Variants in ZNF570 observed in about 807,000 individuals in gnomAD.
The protein encoded by ZNF570 is zinc finger protein 570.
ZNF570 carries 8 observed loss-of-function variants against 14.2 expected under a neutral mutation model. The observed-to-expected ratio is 0.56, with a 90% CI of 0.33 to 1.02. ZNF570 has a LOEUF of 1.02. Ranked by LOEUF, ZNF570 falls within the 50% of genes least tolerant of loss-of-function variation. The pLI, the probability that ZNF570 is intolerant of heterozygous loss-of-function variation, is 0.03. For missense variants in ZNF570, 559 were observed against 624.9 expected (o/e 0.89, Z 1.12); for synonymous variants, 202 against 207.6 (o/e 0.97, Z 0.23).
At chr19:37,475,232 G>A (rs1479893037) in intron 2 of ZNF570, among the ~76,000 whole-genome samples, 2 of 152,186 alleles carry the variant, frequency 1.3e-5, no homozygotes, top group African/African-American at 4.8e-5. Flanking sequence ...CCAAAGTGCT[G>A]GGATTACAGG....
At position 37,479,023 on chromosome 19, in the gene ZNF570, T is replaced by C. The variant is rs890793742; in HGVS notation, c.256+2589T>C. Reference sequence around the variant, plus strand: ...TCTCGTAAATTCTCTTTTTCTTCTTTAGAAACATTTGTGTAAAATAAAAAT... The same window carrying C: ...TCTCGTAAATTCTCTTTTTCTTCTTCAGAAACATTTGTGTAAAATAAAAAT... On this transcript the variant is annotated intron_variant, in intron 4 of 4. Coordinates refer to ENST00000330173, the MANE Select transcript of ZNF570 (RefSeq NM_144694.5). Among the ~76,000 whole-genome samples the C allele has an allele frequency of 2.6e-5, 4 of 151,262 alleles. 1 individual carries two copies. The highest frequency in any genetic ancestry group is 5.9e-5 in the Non-Finnish European group (4 of 67,588).
At chr19:37,473,852 CTATCAGAAATTAGTAGATATA>C (rs2041996363) in intron 2 of ZNF570, among the ~76,000 whole-genome samples, 1 of 152,130 alleles carries the variant, frequency 6.6e-6, no homozygotes, top group Non-Finnish European at 1.5e-5. Context: ...GAACTGGTGT[CTATCAGAAATTAGTAGATATA>C]TATCACAAGG....
At chr19:37,468,663 G>A (rs959777480), upstream of ZNF570, among the ~76,000 whole-genome samples, 1 of 152,122 alleles carries the variant, frequency 6.6e-6, no homozygotes, top group Non-Finnish European at 1.5e-5. Context: ...GTGCCACCAC[G>A]CCCGGCTAAT....
At position 37,485,360 on chromosome 19, in the gene ZNF570, G is replaced by C. The variant is rs191378465; in HGVS notation, c.*127G>C. Reference sequence around the variant, plus strand: ...AACAGGTTTTCCTGTATTTATTTTTGCTACCTTTAAATCCATTTCCCACAA... The same window carrying C: ...AACAGGTTTTCCTGTATTTATTTTTCCTACCTTTAAATCCATTTCCCACAA... On this transcript the variant is annotated 3_prime_UTR_variant, in exon 5 of 5. Coordinates refer to ENST00000330173, the MANE Select transcript of ZNF570 (RefSeq NM_144694.5). The C allele has an allele frequency of 2.0e-6, 2 of 984,438 alleles. No homozygotes were observed. The highest frequency in any genetic ancestry group is 3.3e-5 in the African/African-American group (2 of 59,950). 61.0% of individuals were successfully genotyped at this position (984,438 alleles called of 1,614,324 possible).
chr19:37,475,820 G>A (rs1333439811), intron 2 of ZNF570, 61 bp from the exon 3 acceptor site: 7 of 1,542,360 alleles, frequency 4.5e-6, no homozygotes, highest in Non-Finnish European at 6.1e-6. Context: ...AGTGTGCCTA[G>A]GGCAGAGGAA....
intron 2 of ZNF570, among the ~76,000 whole-genome samples, chr19:37,474,387 C>T (rs983574426): frequency 3.9e-5 from 6 of 152,170 alleles, no homozygotes; most frequent in African/African-American, 1.4e-4. Flanking sequence ...TACCTACTTC[C>T]TATAATTAAG....
chr19:37,475,413 T>C (rs1300124639), intron 2 of ZNF570, among the ~76,000 whole-genome samples: 1 of 152,218 alleles, frequency 6.6e-6, no homozygotes, highest in Non-Finnish European at 1.5e-5. Context: ...CTAGCACAGT[T>C]TTCAGAGATA....
chr19:37,485,406 T>C lies in ZNF570; in HGVS notation c.*173T>C, dbSNP rs1404998130. 6 of 600,348 alleles carry C rather than the reference T, an allele frequency of 1.0e-5. No individual in the cohort carries two copies. The highest frequency in any genetic ancestry group is 3.8e-5 in the Admixed American group (1 of 26,626). The allele number at this position is 600,348 out of a possible 1,614,324, so 37.2% of individuals were successfully genotyped here. A position where few individuals can be genotyped will look rare whatever the true frequency, so the allele number is the denominator to read the frequency against. On this transcript the variant is annotated 3_prime_UTR_variant, in exon 5 of 5. Coordinates refer to ENST00000330173, the MANE Select transcript of ZNF570 (RefSeq NM_144694.5). ...CACAATGCACTCAAACGGATCTTTT[T>C]TTTCTTTTTTTTTCTTTTTGAGACA...
At chr19:37,480,391 G>A (rs2042073732) in intron 4 of ZNF570, among the ~76,000 whole-genome samples, 1 of 152,096 alleles carries the variant, frequency 6.6e-6, no homozygotes, top group African/African-American at 2.4e-5. Context: ...GGCTGAGGCA[G>A]GAGAATCGCT....
intron 2 of ZNF570, among the ~76,000 whole-genome samples, chr19:37,470,862 G>A (rs1028933466): frequency 6.6e-6 from 1 of 151,128 alleles, no homozygotes; most frequent in Non-Finnish European, 1.5e-5. Context: ...ATCACGCCCA[G>A]CTAATTTTTG....
In ZNF570 at chr19:37,470,433, A is replaced by G. The variant is rs1255566604; in HGVS notation, c.33+46A>G. On this transcript the variant is annotated intron_variant, in intron 2 of 4. Transcript: ENST00000330173. ...TTTCCTGAATACCTGTCTGCTTTTC[A>G]AAACAAGCAGGTACTAATTTTCCTT... 6 of 1,582,712 alleles carry G rather than the reference A, an allele frequency of 3.8e-6. No homozygotes were observed. In the South Asian group the frequency reaches 6.7e-5, roughly 18 times the overall value.
At chr19:37,483,617 T>C (rs1331493107) in intron 4 of ZNF570, among the ~76,000 whole-genome samples, 1 of 152,208 alleles carries the variant, frequency 6.6e-6, no homozygotes, top group Non-Finnish European at 1.5e-5. Context: ...AGGCATAAAA[T>C]TGTAACCAAC....
At chr19:37,472,960 GGTT>G (rs1039996407) in intron 2 of ZNF570, among the ~76,000 whole-genome samples, 1 of 152,164 alleles carries the variant, frequency 6.6e-6, no homozygotes, top group Non-Finnish European at 1.5e-5. Context: ...TAGGAAAGTG[GGTT>G]GTTCAGTTAT....
intron 4 of ZNF570, among the ~76,000 whole-genome samples, chr19:37,479,720 A>C (rs763900254): frequency 5.3e-5 from 8 of 152,136 alleles, no homozygotes; most frequent in East Asian, 1.9e-4. Context: ...TTTCTAGTGA[A>C]TTCTTATATT....
chr19:37,482,526 T>G (rs2042098638), intron 4 of ZNF570, among the ~76,000 whole-genome samples: 1 of 152,106 alleles, frequency 6.6e-6, no homozygotes, highest in Non-Finnish European at 1.5e-5. Flanking sequence ...TACTAAACCA[T>G]TCGTGAGGAC....
chr19:37,476,079 TG>T lies in ZNF570; in HGVS notation c.160+74del, dbSNP rs2042020394. 13 of 1,534,592 alleles carry T rather than the reference TG, an allele frequency of 8.5e-6. No homozygotes were observed. In the South Asian group the frequency reaches 1.7e-4, roughly 20 times the overall value. On this transcript the variant is annotated intron_variant, in intron 3 of 4. Coordinates refer to ENST00000330173, the MANE Select transcript of ZNF570 (RefSeq NM_144694.5). ...CTTTGCTACCACTATTGTGAATTTT[TG>T]GATAATATCTGCAAAATTTGGCTGA...
rs2042155977 is a variant in ZNF570 at position 37,486,450 on chromosome 19, GT to G, written c.*1218del. 1 of 152,186 alleles carries G rather than the reference GT, an allele frequency of 6.6e-6. No homozygotes were observed. The highest frequency in any genetic ancestry group is 2.4e-5 in the African/African-American group (1 of 41,444). The allele number at this position is 152,186 out of a possible 1,614,324, so 9.4% of individuals were successfully genotyped here. ...TGCATATTAAATGAGAAATTTGCAT[GT>G]AAAATACTTCATATAGTCTGTCAAA... On this transcript the variant is annotated 3_prime_UTR_variant, in exon 5 of 5. Coordinates refer to ENST00000330173, the MANE Select transcript of ZNF570 (RefSeq NM_144694.5).
chr19:37,471,357 C>A (rs1304889075), intron 2 of ZNF570, among the ~76,000 whole-genome samples: 1 of 152,194 alleles, frequency 6.6e-6, no homozygotes, highest in Non-Finnish European at 1.5e-5. Context: ...ACTTGCTATT[C>A]TCTCTGCCTG....
At chr19:37,469,109 A>G, upstream of ZNF570, 6 of 1,051,438 alleles carry the variant, frequency 5.7e-6, no homozygotes, top group Non-Finnish European at 6.9e-6. Context: ...CGTCCCTGTG[A>G]CCGGGCCAGG....
Sources: gnomAD v4.1 joint callset for allele counts (sites outside exome capture counted in the v4.1 genomes callset) on GRCh38, gnomAD v4.1.1 for gene constraint, MANE v1.5 for transcripts, NCBI Gene and HGNC (gene_info 2026-07-23, HGNC 2026-07-21) for gene names.